RYK: variants seen among roughly 807,000 people sequenced by gnomAD.
The protein encoded by RYK is receptor like tyrosine kinase.
Under a neutral mutation model 70.2 loss-of-function variants are expected in RYK, and 21 were observed. The ratio of observed to expected loss-of-function variants is 0.30; its 90% CI spans 0.21 to 0.43. The LOEUF (loss-of-function observed/expected upper bound fraction) is 0.43, where lower values mean the gene tolerates loss of function less well. Ranked by LOEUF, RYK falls within the 20% of genes least tolerant of loss-of-function variation. The probability of loss-of-function intolerance (pLI) is 1.00; values close to 1 mark genes in which losing one functional copy is unlikely to be tolerated. For missense variants in RYK, 604 were observed against 753.3 expected, an observed-to-expected ratio of 0.80 and a Z score of 2.32; for synonymous variants, 267 against 278.0, an observed-to-expected ratio of 0.96 and a Z score of 0.39.
intron 9 of RYK, among the ~76,000 whole-genome samples, chr3:134,184,337 A>G (rs1282870055): frequency 6.6e-6 from 1 of 152,204 alleles, no homozygotes; most frequent in East Asian, 1.9e-4. Context: ...TTAAGTCTAC[A>G]TCTCCAAAGG....
chr3:134,162,640 T>C (rs1265840637), intron 13 of RYK, among the ~76,000 whole-genome samples: 6 of 152,210 alleles, frequency 3.9e-5, no homozygotes, highest in Non-Finnish European at 5.9e-5. Flanking sequence ...ACTAGTTATT[T>C]GCCTATCTTT....
At chr3:134,222,777 T>C (rs1260132979) in intron 1 of RYK, among the ~76,000 whole-genome samples, 5 of 152,046 alleles carry the variant, frequency 3.3e-5, no homozygotes, top group Admixed American at 3.3e-4. Flanking sequence ...AAAACAGGTG[T>C]GCTAGAACTA....
chr3:134,246,460 G>C (rs2015471325), intron 1 of RYK, among the ~76,000 whole-genome samples: 1 of 147,284 alleles, frequency 6.8e-6, no homozygotes, highest in Admixed American at 6.8e-5. Flanking sequence ...AGAAAAGGAA[G>C]AAAGGAAGGA....
chr3:134,216,919 CCTG>C (rs1288639648), intron 2 of RYK, among the ~76,000 whole-genome samples: 1 of 151,352 alleles, frequency 6.6e-6, no homozygotes, highest in Non-Finnish European at 1.5e-5. Flanking sequence ...CTCTCAGTAG[CCTG>C]CTTTTAAGTG....
chr3:134,209,716 G>T lies in RYK; in HGVS notation c.568C>A (p.Arg190=). 2 of 1,473,122 alleles carry T rather than the reference G, an allele frequency of 1.4e-6. No homozygotes were observed. The highest frequency in any genetic ancestry group is 1.8e-6 in the Non-Finnish European group (2 of 1,106,236). 91.3% of individuals were successfully genotyped at this position (1,473,122 alleles called of 1,614,324 possible). A position where few individuals can be genotyped will look rare whatever the true frequency, so the allele number is the denominator to read the frequency against. The change falls in exon 4 of 15, where the codon CGA becomes AGA. Residue 190 remains arginine (R), a synonymous_variant. Coordinates refer to ENST00000623711, the MANE Select transcript of RYK (RefSeq NM_002958.4). ...SKNFTVLNFK[R]RKMCYKKLEE... is the part of the protein sequence containing the mutation. ...TTACTTTTGTAGCACATTTTCCTTC[G>T]TTTAAAATTTAAGACGGTAAAATTT...
At chr3:134,220,677 T>A (rs1401215211) in intron 2 of RYK, among the ~76,000 whole-genome samples, 1 of 152,190 alleles carries the variant, frequency 6.6e-6, no homozygotes, top group South Asian at 2.1e-4. Context: ...CACATATATA[T>A]GTACATATAC....
In RYK at chr3:134,250,503, C is replaced by CACGGG. The variant is rs2015586551; in HGVS notation, c.151_152insCCCGT (p.Arg51ProfsTer16). 5.5e-6 allele frequency: 7 copies of CACGGG among 1,271,778 alleles called. No homozygotes were observed. The highest frequency in any genetic ancestry group is 6.9e-6 in the Non-Finnish European group (7 of 1,008,620). 78.8% of individuals were successfully genotyped at this position (1,271,778 alleles called of 1,614,324 possible). On this transcript the variant is annotated frameshift_variant, in exon 1 of 15. Transcript: ENST00000623711. LOFTEE classifies it high-confidence loss of function. ...GGAAGCCGACTGCAGCTCCGGGGGC[C>CACGGG]GCGGGGCGGGGGCGGCGGCAGCGCC...
intron 2 of RYK, among the ~76,000 whole-genome samples, chr3:134,219,207 C>T (rs905953216): frequency 2.0e-5 from 3 of 152,128 alleles, no homozygotes; most frequent in African/African-American, 7.2e-5. Context: ...CATATATATT[C>T]ACCCGAGCCC....
intron 1 of RYK, among the ~76,000 whole-genome samples, chr3:134,233,038 C>G (rs944846693): frequency 1.3e-5 from 2 of 152,270 alleles, no homozygotes; most frequent in Non-Finnish European, 2.9e-5. Context: ...GCTGCACTTA[C>G]TCTGGTGCCC....
chr3:134,208,963 G>C (rs1247892580), intron 4 of RYK, among the ~76,000 whole-genome samples: 1 of 151,814 alleles, frequency 6.6e-6, no homozygotes, highest in Non-Finnish European at 1.5e-5. Flanking sequence ...TTCTACCTAC[G>C]TGACCTTGTA....
At chr3:134,172,753 T>C (rs1480932892) in intron 13 of RYK, among the ~76,000 whole-genome samples, 1 of 152,218 alleles carries the variant, frequency 6.6e-6, no homozygotes, top group African/African-American at 2.4e-5. Flanking sequence ...ACATTAATGC[T>C]AGAGAGAGAT....
chr3:134,167,551 A>C (rs1018775448), intron 13 of RYK, among the ~76,000 whole-genome samples: 5 of 152,364 alleles, frequency 3.3e-5, no homozygotes, highest in Non-Finnish European at 7.3e-5. Flanking sequence ...ATATGTAGAA[A>C]GGTGAAACTG....
At chr3:134,209,296 A>G (rs1330906993) in intron 4 of RYK, among the ~76,000 whole-genome samples, 1 of 152,220 alleles carries the variant, frequency 6.6e-6, no homozygotes, top group African/African-American at 2.4e-5. Context: ...TGAAAAGAGC[A>G]GAGCTGCCAT....
In RYK at chr3:134,246,571, T is replaced by C. The variant is rs556000192; in HGVS notation, c.232+3852A>G. Among the ~76,000 whole-genome samples, 4 of 152,228 alleles carry C rather than the reference T, an allele frequency of 2.6e-5. No individual in the cohort carries two copies. In the South Asian group the frequency reaches 8.3e-4, roughly 32 times the overall value. ...AAACAGAAAAAAAGAGGCATCAGAA[T>C]GGCTTTGGACTTTTCATCAAAAACC... On this transcript the variant is annotated intron_variant, in intron 1 of 14. Coordinates refer to ENST00000623711, the MANE Select transcript of RYK (RefSeq NM_002958.4).
chr3:134,204,395 A>G (rs139509709), intron 5 of RYK, among the ~76,000 whole-genome samples: 3,436 of 152,108 alleles, frequency 0.023, 128 homozygotes, highest in African/African-American at 0.078. Context: ...GCTACTCGAG[A>G]GGCTGAGGCA....
rs2014693540 is a variant in RYK, at chr3:134,220,155, C to T, written c.354+2263G>A. Among the ~76,000 whole-genome samples the T allele has an allele frequency of 3.9e-5, 6 of 152,058 alleles. No individual in the cohort carries two copies. In the South Asian group the frequency reaches 1.2e-3, roughly 32 times the overall value. On this transcript the variant is annotated intron_variant, in intron 2 of 14. Coordinates refer to ENST00000623711, the MANE Select transcript of RYK (RefSeq NM_002958.4). ...ACAACACAAACTGAGGGGCATTCTA[C>T]AAAATTACTGGCCTGTAAGTTTCAA...
At chr3:134,185,764 C>T (rs1366002250) in intron 9 of RYK, among the ~76,000 whole-genome samples, 4 of 152,088 alleles carry the variant, frequency 2.6e-5, no homozygotes, top group Admixed American at 2.6e-4. Flanking sequence ...TTTACCATTC[C>T]CTCAACTGGT....
intron 9 of RYK, among the ~76,000 whole-genome samples, chr3:134,185,064 G>A (rs2013419227): frequency 1.3e-5 from 2 of 150,240 alleles, no homozygotes; most frequent in South Asian, 4.2e-4. Flanking sequence ...AGCCCAGGAG[G>A]TTGAGGCTGC....
intron 1 of RYK, among the ~76,000 whole-genome samples, chr3:134,248,455 T>C (rs1394514885): frequency 1.3e-5 from 2 of 152,204 alleles, no homozygotes; most frequent in African/African-American, 4.8e-5. Context: ...ATCAAACTTC[T>C]ACAGACAAAA....
Sources: allele counts gnomAD v4.1 joint callset (sites outside exome capture counted in the v4.1 genomes callset), GRCh38; gene constraint gnomAD v4.1.1; transcripts MANE v1.5; gene names NCBI Gene and HGNC (gene_info 2026-07-23, HGNC 2026-07-21).